HHAT: variants seen among roughly 807,000 people sequenced by gnomAD.
HHAT encodes the protein hedgehog acyltransferase.
A neutral mutation model predicts 70.8 loss-of-function variants in HHAT; 47 were observed. That is an observed-to-expected ratio of 0.66 (90% CI 0.53 to 0.85). The LOEUF is 0.85. HHAT is among the 40% of genes least tolerant of loss of function. The pLI, the probability that HHAT is intolerant of heterozygous loss-of-function variation, is 0.00. For missense variants in HHAT, 609 were observed against 604.8 expected (o/e 1.01, Z -0.07); for synonymous variants, 228 against 247.6 (o/e 0.92, Z 0.74).
intron 8 of HHAT, among the ~76,000 whole-genome samples, chr1:210,494,076 A>G (rs1203671343): frequency 6.6e-6 from 1 of 152,194 alleles, no homozygotes; most frequent in African/African-American, 2.4e-5. Context: ...CTGTTGATTC[A>G]TTGAGCTCAC....
chr1:210,385,094 C>T (rs1280161081), intron 3 of HHAT, among the ~76,000 whole-genome samples: 1 of 151,990 alleles, frequency 6.6e-6, no homozygotes, highest in Non-Finnish European at 1.5e-5. Context: ...TCTGGTGGAA[C>T]AGAAAGTCTT....
At chr1:210,658,643 A>C (rs1676978142) in intron 11 of HHAT, among the ~76,000 whole-genome samples, 1 of 152,200 alleles carries the variant, frequency 6.6e-6, no homozygotes, top group Non-Finnish European at 1.5e-5. Context: ...CATTCTTCTC[A>C]GCACCACACT....
At chr1:210,342,580 G>T (rs2086134458) in intron 1 of HHAT, among the ~76,000 whole-genome samples, 1 of 152,176 alleles carries the variant, frequency 6.6e-6, no homozygotes, top group Admixed American at 6.5e-5. Context: ...TGCTGTAAGT[G>T]GTGATGACTT....
chr1:210,373,515 T>TG (rs1008646808), intron 3 of HHAT, among the ~76,000 whole-genome samples: 10 of 152,126 alleles, frequency 6.6e-5, no homozygotes, highest in Admixed American at 2.6e-4. Flanking sequence ...TGTCTTTGTG[T>TG]GGGGAACTGA....
At chr1:210,514,530 C>T (rs2095020107) in intron 9 of HHAT, among the ~76,000 whole-genome samples, 1 of 152,034 alleles carries the variant, frequency 6.6e-6, no homozygotes, top group Non-Finnish European at 1.5e-5. Flanking sequence ...TGTACTGTTC[C>T]CTTAATGCCT....
intron 7 of HHAT, among the ~76,000 whole-genome samples, chr1:210,431,401 C>G (rs981541658): frequency 3.3e-5 from 5 of 151,798 alleles, no homozygotes; most frequent in African/African-American, 1.2e-4. Flanking sequence ...GCCCATTTTT[C>G]TGCTCTTGCT....
At chr1:210,424,777 T>C (rs1029282791) in intron 7 of HHAT, among the ~76,000 whole-genome samples, 3 of 152,198 alleles carry the variant, frequency 2.0e-5, no homozygotes, top group Non-Finnish European at 4.4e-5. Context: ...TGATTCCATG[T>C]TTTTGCTATT....
At chr1:210,633,884 G>A (rs992000087) in intron 11 of HHAT, among the ~76,000 whole-genome samples, 3 of 152,142 alleles carry the variant, frequency 2.0e-5, no homozygotes, top group African/African-American at 7.2e-5. Flanking sequence ...TCTGGCTATT[G>A]TAGCGTGCCA....
At chr1:210,643,285 G>A (rs538504073) in intron 11 of HHAT, among the ~76,000 whole-genome samples, 2 of 152,090 alleles carry the variant, frequency 1.3e-5, no homozygotes, top group Non-Finnish European at 2.9e-5. Flanking sequence ...GAAACATCTT[G>A]TCAGTTTCTA....
intron 1 of HHAT, among the ~76,000 whole-genome samples, chr1:210,335,968 A>G (rs1265760066): frequency 6.6e-6 from 1 of 152,230 alleles, no homozygotes; most frequent in African/African-American, 2.4e-5. Flanking sequence ...GCTGAGCAAA[A>G]CCAAGATAGA....
chr1:210,651,793 A>G (rs1028318846), intron 11 of HHAT, among the ~76,000 whole-genome samples: 9 of 152,232 alleles, frequency 5.9e-5, no homozygotes, highest in African/African-American at 2.2e-4. Flanking sequence ...AGACCATCCC[A>G]GAGAGGATCA....
intron 8 of HHAT, among the ~76,000 whole-genome samples, chr1:210,509,367 T>C (rs1305803272): frequency 6.6e-6 from 1 of 152,220 alleles, no homozygotes; most frequent in Non-Finnish European, 1.5e-5. Flanking sequence ...GGATTTGGGA[T>C]ACTCAGCCCT....
chr1:210,427,766 A>G (rs1448189719), intron 7 of HHAT, among the ~76,000 whole-genome samples: 1 of 152,086 alleles, frequency 6.6e-6, no homozygotes, highest in Admixed American at 6.6e-5. Context: ...AGAAGAATGT[A>G]TATTCTGTTG....
At chr1:210,583,105 T>C (rs962963027) in intron 9 of HHAT, among the ~76,000 whole-genome samples, 1 of 152,160 alleles carries the variant, frequency 6.6e-6, no homozygotes, top group Non-Finnish European at 1.5e-5. Context: ...GTTATTTCCT[T>C]GGAGGGTTGT....
chr1:210,466,925 A>C (rs1367726140), intron 8 of HHAT, among the ~76,000 whole-genome samples: 1 of 152,192 alleles, frequency 6.6e-6, no homozygotes, highest in East Asian at 1.9e-4. Flanking sequence ...CCCTCATTTA[A>C]GACAAATGTG....
At chr1:210,545,512 C>CT (rs1159381934) in intron 9 of HHAT, among the ~76,000 whole-genome samples, 1 of 149,710 alleles carries the variant, frequency 6.7e-6, no homozygotes, top group African/African-American at 2.5e-5. Flanking sequence ...TCTTGGCTCA[C>CT]TGCAACCTCC....
At chr1:210,471,468 G>T (rs540569081) in intron 8 of HHAT, among the ~76,000 whole-genome samples, 23 of 152,038 alleles carry the variant, frequency 1.5e-4, no homozygotes, top group African/African-American at 4.6e-4. Flanking sequence ...TTCAGACTTG[G>T]CTAGGAGAGA....
intron 10 of HHAT, among the ~76,000 whole-genome samples, chr1:210,612,359 T>C (rs1451298141): frequency 6.6e-6 from 1 of 152,204 alleles, no homozygotes; most frequent in Admixed American, 6.5e-5. Flanking sequence ...TCTGTCTCTA[T>C]ATATTTGACT....
At chr1:210,468,374 G>A (rs2094143461) in intron 8 of HHAT, among the ~76,000 whole-genome samples, 1 of 152,198 alleles carries the variant, frequency 6.6e-6, no homozygotes. Flanking sequence ...TGGCTGGTGA[G>A]TTGTGGGTCA....
Sources: allele counts gnomAD v4.1 joint callset (sites outside exome capture counted in the v4.1 genomes callset), GRCh38; gene constraint gnomAD v4.1.1; transcripts MANE v1.5; gene names NCBI Gene and HGNC (gene_info 2026-07-23, HGNC 2026-07-21).